The following ECD variants were observed in gnomAD, a reference collection of about 807,000 sequenced individuals.
The protein encoded by ECD is protein ecdysoneless homolog.
ECD carries 59 observed loss-of-function variants against 77.2 expected under a neutral mutation model. The ratio of observed to expected loss-of-function variants is 0.76; its 90% CI spans 0.62 to 0.95. ECD has a LOEUF of 0.95. Ranked by LOEUF, ECD falls within the 40% of genes least tolerant of loss-of-function variation. The pLI, the probability that ECD is intolerant of heterozygous loss-of-function variation, is 0.00. For missense variants in ECD, 704 were observed against 763.4 expected (o/e 0.92, Z 0.92); for synonymous variants, 233 against 267.4 (o/e 0.87, Z 1.26).
At chr10:73,134,885 A>C in intron 13 of ECD, 72 bp from the exon 14 acceptor site, 1 of 1,270,390 alleles carries the variant, frequency 7.9e-7, no homozygotes, top group South Asian at 1.3e-5. Context: ...CAATAAAAAG[A>C]TAACTAAGCC....
Position 73,139,677 on chromosome 10 carries a change from A to C in ECD, c.1188T>G (p.Asp396Glu). 1 of 1,612,290 alleles carries C rather than the reference A, an allele frequency of 6.2e-7. No individual in the cohort carries two copies. The highest frequency in any genetic ancestry group is 8.5e-7 in the Non-Finnish European group (1 of 1,179,590). The change falls in exon 10 of 14, where the codon GAT becomes GAG. Residue 396 changes from aspartate to glutamate, a missense_variant. By Grantham distance (45) the Asp-to-Glu change is conservative. Around this residue, in one of 3 missense-constraint regions of ECD, gnomAD observed 559 missense variants for 583.7 expected, o/e 0.96. Transcript: ENST00000372979. ...ILTLLQTIPF[D>E]IEDLKKEAAN... ...CTGCTTCTTTCTTAAGGTCTTCTAT[A>C]TCAAATGGTATTGTCTGTAATAAGG... is the stretch of plus-strand genomic sequence containing the variant.
chr10:73,145,303 T>C (rs111381800), intron 9 of ECD, among the ~76,000 whole-genome samples: 15,950 of 151,878 alleles, frequency 0.11, 1,236 homozygotes, highest in East Asian at 0.31. Flanking sequence ...GGCAGAGCAC[T>C]GCACTCCAGC....
rs373995753 is a variant in ECD, at chr10:73,148,324, T to A, written c.993A>T (p.Pro331=). Residue 331 remains proline, a synonymous_variant, in exon 8 of 14, where the codon CCA becomes CCT. Transcript: ENST00000372979. ...DCKKSLVTAS[P]LWASFLESLK... ...GACTTTCAAGGAAACTGGCCCAGAG[T>A]GGTGAGGCAGTCACAAGGGATTTCT... 50 of 1,613,800 alleles carry A rather than the reference T, an allele frequency of 3.1e-5. No individual in the cohort carries two copies. Among genetic ancestry groups the A allele is most frequent in the African/African-American group, 2.7e-4 (20 of 74,990 alleles).
rs758034749 is a variant in ECD, at chr10:73,134,720, G to C, written c.1798C>G (p.Leu600Val). ...TAGGATTCCAATATATTTGAAACCA[G>C]GTTCAGGTCTACATCTACTGGTGCC... Reference protein sequence around the residue: ...VMAPVDVDLNLVSNILESYSS... With the variant: ...VMAPVDVDLNVVSNILESYSS... The change falls in exon 14 of 14, where the codon CTG (leucine) becomes GTG (valine). Residue 600 changes from leucine to valine, a missense_variant. By Grantham distance (32) the Leu-to-Val change is conservative. Around this residue, in one of 3 missense-constraint regions of ECD, gnomAD observed 142 missense variants for 163.6 expected, o/e 0.87. Coordinates refer to ENST00000372979, the MANE Select transcript of ECD (RefSeq NM_007265.3). 1.9e-6 allele frequency: 3 copies of C among 1,614,166 alleles called. No individual in the cohort carries two copies. The highest frequency in any genetic ancestry group is 1.1e-5 in the South Asian group (1 of 91,078).
In ECD at chr10:73,163,899, T is replaced by C. The variant is rs769622760; in HGVS notation, c.39A>G (p.Thr13=). The change falls in exon 2 of 14, where the codon ACA becomes ACG. Residue 13 remains threonine (T), a synonymous_variant. Transcript: ENST00000372979. The part of the protein sequence containing the change: ...ETMKLATMED[T]VEYCLFLIPD... ...GTATCAGGAACAGGCAGTACTCCAC[T>C]GTGTCTTCCATCGTAGCAAGCTTCA... The C allele has an allele frequency of 9.3e-6, 15 of 1,614,212 alleles. No individual in the cohort carries two copies. Among genetic ancestry groups the C allele is most frequent in the Non-Finnish European group, 1.3e-5 (15 of 1,180,036 alleles).
At chr10:73,163,187 G>A (rs534949591) in intron 2 of ECD, among the ~76,000 whole-genome samples, 1 of 152,288 alleles carries the variant, frequency 6.6e-6, no homozygotes, top group Admixed American at 6.5e-5. Flanking sequence ...TATTTTGCCA[G>A]AGGTCAGATC....
At chr10:73,137,644 C>G (rs1415281889) in intron 12 of ECD, among the ~76,000 whole-genome samples, 1 of 151,976 alleles carries the variant, frequency 6.6e-6, no homozygotes, top group East Asian at 1.9e-4. Context: ...GGTGTGGTGG[C>G]AGGCGCCTGT....
intron 8 of ECD, 117 bp from the exon 9 acceptor site, chr10:73,146,478 C>T: frequency 1.9e-6 from 1 of 539,468 alleles, no homozygotes; most frequent in Non-Finnish European, 3.2e-6. Context: ...AATCACGTGC[C>T]CCAAGTCCTA....
At chr10:73,154,481 C>T in intron 5 of ECD, 33 bp from the exon 6 acceptor site, 2 of 1,564,096 alleles carry the variant, frequency 1.3e-6, no homozygotes, top group Non-Finnish European at 1.7e-6. Context: ...TTTCATTTTA[C>T]AGTATATAAA....
At chr10:73,162,439 G>T (rs1261794510) in intron 2 of ECD, among the ~76,000 whole-genome samples, 1 of 152,184 alleles carries the variant, frequency 6.6e-6, no homozygotes, top group Non-Finnish European at 1.5e-5. Context: ...AGTAAAAATG[G>T]TTTTCTAGAG....
At chr10:73,164,057 C>T (rs1210493224) in intron 1 of ECD, 107 bp from the exon 2 acceptor site, 6 of 942,126 alleles carry the variant, frequency 6.4e-6, no homozygotes, top group Middle Eastern at 2.7e-4. Flanking sequence ...TTAGTTAGGC[C>T]GGGCACAGTG....
chr10:73,137,647 G>C (rs1326016923), intron 12 of ECD, among the ~76,000 whole-genome samples: 2 of 151,988 alleles, frequency 1.3e-5, no homozygotes, highest in African/African-American at 4.8e-5. Flanking sequence ...GTGGTGGCAG[G>C]CGCCTGTAGT....
At chr10:73,137,019 G>A (rs1842983261) in intron 12 of ECD, 101 bp from the exon 13 acceptor site, 2 of 613,618 alleles carry the variant, frequency 3.3e-6, no homozygotes, top group African/African-American at 3.8e-5. Context: ...TAATTAGAAT[G>A]TTACCCACAG....
At chr10:73,154,214 T>A in intron 6 of ECD, 42 bp downstream of exon 6, 1 of 1,529,496 alleles carries the variant, frequency 6.5e-7, no homozygotes, top group Non-Finnish European at 8.8e-7. Flanking sequence ...TTCAACTCGG[T>A]TTCCAGTAAG....
intron 1 of ECD, among the ~76,000 whole-genome samples, chr10:73,165,429 G>A (rs181918057): frequency 1.3e-5 from 2 of 151,194 alleles, no homozygotes; most frequent in Admixed American, 6.6e-5. Flanking sequence ...GCAGCTCACT[G>A]CAACCTCTGC....
chr10:73,156,178 C>A (rs570746772), intron 5 of ECD, 97 bp downstream of exon 5: 156 of 1,160,206 alleles, frequency 1.3e-4, no homozygotes, highest in Non-Finnish European at 1.6e-4. Context: ...TCAACTCCAA[C>A]AGAGCTTTAA....
rs1232667001 is a variant in ECD, at chr10:73,134,409, C to G, written c.*174G>C. On this transcript the variant is annotated 3_prime_UTR_variant, in exon 14 of 14. Coordinates refer to ENST00000372979, the MANE Select transcript of ECD (RefSeq NM_007265.3). ...TTCAAAACCTGTGTATAACCCACAG[C>G]TGAGATCACAAAGACTTGTGCCAAG... The G allele has an allele frequency of 1.1e-5, 7 of 637,498 alleles. No individual in the cohort carries two copies. In the East Asian group the frequency reaches 1.7e-4, roughly 15 times the overall value. 39.5% of individuals were successfully genotyped at this position (637,498 alleles called of 1,614,324 possible). A position where few individuals can be genotyped will look rare whatever the true frequency, so the allele number is the denominator to read the frequency against.
In ECD at chr10:73,139,634, C is replaced by A. The variant is rs1843025616; in HGVS notation, c.1231G>T (p.Asp411Tyr). Reference sequence around the variant, plus strand: ...TGTATCCTGGTCCATCACTTACCATCCTCTGGGGGAAGATTAGCTGCTTCT... The same window carrying A: ...TGTATCCTGGTCCATCACTTACCATACTCTGGGGGAAGATTAGCTGCTTCT... ...KKEAANLPPE[D>Y]DDQWLDLSPD... The change falls in exon 10 of 14, where the codon GAT (aspartate) becomes TAT (tyrosine). Residue 411 changes from aspartate (D) to tyrosine (Y), a missense_variant. Around this residue, in one of 3 missense-constraint regions of ECD, gnomAD observed 559 missense variants for 583.7 expected, o/e 0.96. Coordinates refer to ENST00000372979, the MANE Select transcript of ECD (RefSeq NM_007265.3). 2.5e-6 allele frequency: 4 copies of A among 1,606,818 alleles called. No homozygotes were observed. The highest frequency in any genetic ancestry group is 3.3e-4 in the Middle Eastern group (2 of 6,030).
At chr10:73,155,652 G>A (rs947148092) in intron 5 of ECD, among the ~76,000 whole-genome samples, 3 of 145,352 alleles carry the variant, frequency 2.1e-5, no homozygotes, top group African/African-American at 7.8e-5. Flanking sequence ...AGGCTGGAGT[G>A]CAGTGGCGTG....
Sources: allele counts gnomAD v4.1 joint callset (sites outside exome capture counted in the v4.1 genomes callset), GRCh38; gene constraint gnomAD v4.1.1; regional missense constraint gnomAD v4.1.1; transcripts MANE v1.5; gene names NCBI Gene and HGNC (gene_info 2026-07-23, HGNC 2026-07-21).